ZNF678: variants seen among roughly 807,000 people sequenced by gnomAD.
ZNF678 encodes the protein hypothetical protein MGC42493.
Under a neutral mutation model 3.0 loss-of-function variants are expected in ZNF678, and 5 were observed. The ratio of observed to expected loss-of-function variants is 1.69; its 90% CI spans 0.88 to 3.56. ZNF678 has a LOEUF of 3.56. ZNF678 is among the 30% of genes most tolerant of loss of function. ZNF678 has a pLI of 0.00. For missense variants in ZNF678, 593 were observed against 605.0 expected (o/e 0.98, Z 0.21); for synonymous variants, 218 against 199.6 (o/e 1.09, Z -0.78).
chr1:227,595,489 A>G (rs1259548065), intron 1 of ZNF678, among the ~76,000 whole-genome samples: 1 of 152,178 alleles, frequency 6.6e-6, no homozygotes, highest in East Asian at 1.9e-4. Context: ...TGTTTTACAC[A>G]AAGTTTTACA....
At chr1:227,631,523 T>C (rs1658547517) in intron 1 of ZNF678, among the ~76,000 whole-genome samples, 1 of 152,226 alleles carries the variant, frequency 6.6e-6, no homozygotes, top group South Asian at 2.1e-4. Flanking sequence ...AGAGAGGGTG[T>C]AGGTAACCTT....
chr1:227,626,528 C>T (rs1471247335), intron 1 of ZNF678, among the ~76,000 whole-genome samples: 1 of 152,082 alleles, frequency 6.6e-6, no homozygotes, highest in Non-Finnish European at 1.5e-5. Context: ...TGATATTTGG[C>T]TAAGGAGGGA....
chr1:227,676,757 A>G (rs1659687391), intron 5 of ZNF678, among the ~76,000 whole-genome samples: 1 of 147,508 alleles, frequency 6.8e-6, no homozygotes, highest in South Asian at 2.1e-4. Context: ...CACCTATAAG[A>G]GAGAACATGC....
Position 227,563,626 on chromosome 1 carries a change from C to A in ZNF678, c.-262C>A, listed in dbSNP as rs1036693489. 1 of 1,256,272 alleles carries A rather than the reference C, an allele frequency of 8.0e-7. No homozygotes were observed. Among genetic ancestry groups the A allele is most frequent in the Non-Finnish European group, 1.1e-6 (1 of 942,956 alleles). The allele number at this position is 1,256,272 out of a possible 1,614,324, so 77.8% of individuals were successfully genotyped here. A position where few individuals can be genotyped will look rare whatever the true frequency, so the allele number is the denominator to read the frequency against. On this transcript the variant is annotated 5_prime_UTR_variant, in exon 1 of 4. It adds an upstream start codon to the 5' untranslated region. Transcript: ENST00000343776. ...TATTTATCCCCAGCTGCGGGAGGCC[C>A]TGGTGACTCTGCTGCTGCAGTGTCT...
chr1:227,666,659 C>T (rs1659508123), downstream of ZNF678, among the ~76,000 whole-genome samples: 1 of 151,524 alleles, frequency 6.6e-6, no homozygotes, highest in Non-Finnish European at 1.5e-5. Context: ...ATATCCTGCT[C>T]ATGAACTGTG....
Position 227,655,440 on chromosome 1 carries a change from G to T in ZNF678, c.1190G>T (p.Arg397Ile), listed in dbSNP as rs774358244. The change falls in exon 4 of 4, where the codon AGA becomes ATA. Residue 397 changes from arginine to isoleucine, a missense_variant. Physicochemically the swap from Arg to Ile is moderately conservative, Grantham distance 97. Coordinates refer to ENST00000343776, the MANE Select transcript of ZNF678 (RefSeq NM_001367909.1). ...NKFSSLTQHR[R>I]IHTGVKPYKC... ...TTCTCAAGCCTTACTCAACATAGGA[G>T]AATTCATACTGGAGTGAAACCCTAC... The T allele has an allele frequency of 3.1e-6, 5 of 1,612,140 alleles. No homozygotes were observed. The highest frequency in any genetic ancestry group is 1.7e-5 in the Admixed American group (1 of 59,766).
At chr1:227,652,629 T>A (rs1344230197) in intron 3 of ZNF678, among the ~76,000 whole-genome samples, 1 of 152,116 alleles carries the variant, frequency 6.6e-6, no homozygotes, top group Non-Finnish European at 1.5e-5. Flanking sequence ...AAACTGGTAA[T>A]AGCTTAACTT....
At chr1:227,586,188 A>G (rs976528407) in intron 1 of ZNF678, among the ~76,000 whole-genome samples, 6 of 151,342 alleles carry the variant, frequency 4.0e-5, no homozygotes, top group African/African-American at 1.5e-4. Flanking sequence ...GGAAGACCCC[A>G]TCTCCAAAAA....
chr1:227,644,881 A>T (rs1019555597), intron 1 of ZNF678, among the ~76,000 whole-genome samples: 4 of 152,036 alleles, frequency 2.6e-5, no homozygotes, highest in African/African-American at 9.7e-5. Flanking sequence ...ACCCCATGTG[A>T]TCCTAAGGTA....
intron 1 of ZNF678, among the ~76,000 whole-genome samples, chr1:227,599,264 T>C (rs1434068921): frequency 1.3e-5 from 2 of 152,242 alleles, no homozygotes; most frequent in Non-Finnish European, 2.9e-5. Flanking sequence ...GTTGGTATCA[T>C]GTCATAATTT....
At chr1:227,624,572 A>G (rs1046188348) in intron 1 of ZNF678, among the ~76,000 whole-genome samples, 3 of 152,152 alleles carry the variant, frequency 2.0e-5, no homozygotes, top group Admixed American at 6.5e-5. Context: ...CACTCCCAAC[A>G]TGGCAGCAAG....
At chr1:227,612,595 C>T (rs957648761) in intron 1 of ZNF678, among the ~76,000 whole-genome samples, 1 of 152,172 alleles carries the variant, frequency 6.6e-6, no homozygotes, top group African/African-American at 2.4e-5. Flanking sequence ...ACTTTGGTAC[C>T]TGGGATAGCT....
chr1:227,655,037 A>G lies in ZNF678; in HGVS notation c.787A>G (p.Lys263Glu). ...TQHKRIHTGE[K>E]PYKCEECGNV... is the part of the protein sequence containing the mutation. ...ACATAAGAGAATTCATACTGGAGAG[A>G]AACCTTACAAGTGTGAAGAATGTGG... Residue 263 changes from lysine to glutamate, a missense_variant, in exon 4 of 4, where the codon AAA becomes GAA. Transcript: ENST00000343776. 6.2e-7 allele frequency: 1 copy of G among 1,612,336 alleles called. No homozygotes were observed. Among genetic ancestry groups the G allele is most frequent in the South Asian group, 1.1e-5 (1 of 90,938 alleles).
intron 1 of ZNF678, among the ~76,000 whole-genome samples, chr1:227,593,736 G>C (rs982712869): frequency 4.6e-5 from 7 of 152,106 alleles, no homozygotes; most frequent in Non-Finnish European, 8.8e-5. Flanking sequence ...AGAAGAAAGA[G>C]TAATAGAATA....
chr1:227,671,171 G>A (rs1422744443), intron 5 of ZNF678, among the ~76,000 whole-genome samples: 2 of 150,274 alleles, frequency 1.3e-5, no homozygotes, highest in Admixed American at 6.6e-5. Context: ...CAAACTCCTG[G>A]GCTTAAGCAA....
At chr1:227,674,759 C>T (rs947711091) in intron 5 of ZNF678, among the ~76,000 whole-genome samples, 13 of 151,910 alleles carry the variant, frequency 8.6e-5, no homozygotes, top group African/African-American at 1.5e-4. Flanking sequence ...CCTGCCATCA[C>T]GCCCAGCTAA....
chr1:227,632,822 T>C (rs10916180), intron 1 of ZNF678, among the ~76,000 whole-genome samples: 33,486 of 152,056 alleles, frequency 0.22, 4,139 homozygotes, highest in African/African-American at 0.33. Flanking sequence ...GTCTTTGTTC[T>C]TAGAGTTCCC....
In ZNF678 at chr1:227,654,653, A is replaced by T; in HGVS notation, c.403A>T (p.Asn135Tyr). 3 of 1,613,254 alleles carry T rather than the reference A, an allele frequency of 1.9e-6. No homozygotes were observed. Among genetic ancestry groups the T allele is most frequent in the Non-Finnish European group, 2.5e-6 (3 of 1,179,504 alleles). ...YKCEECGKVF[N>Y]RCSNLTKHKR... ...ATGTGAAGAATGTGGCAAAGTTTTC[A>T]ATCGATGTTCAAACCTAACAAAACA... Residue 135 changes from asparagine (N) to tyrosine (Y), a missense_variant, in exon 4 of 4, where the codon AAT (asparagine) becomes TAT (tyrosine). Physicochemically the swap from Asn to Tyr is moderately radical, Grantham distance 143 (BLOSUM62 -2). Transcript: ENST00000343776.
At chr1:227,678,985 A>T (rs139900166), downstream of ZNF678, among the ~76,000 whole-genome samples, 1,126 of 152,266 alleles carry the variant, frequency 7.4e-3, 8 homozygotes, top group African/African-American at 0.022. Flanking sequence ...GTGTGAGGGG[A>T]CTAGCACAAA....
Sources: gnomAD v4.1 joint callset for allele counts (sites outside exome capture counted in the v4.1 genomes callset) on GRCh38, gnomAD v4.1.1 for gene constraint, MANE v1.5 for transcripts, NCBI Gene and HGNC (gene_info 2026-07-23, HGNC 2026-07-21) for gene names.